The following DEFB110 variants were observed in gnomAD, a reference collection of about 807,000 sequenced individuals.
The protein encoded by DEFB110 is beta-defensin 110.
In DEFB110, 4 loss-of-function variants were observed where a neutral mutation model predicts 2.5. That is an observed-to-expected ratio of 1.60 (90% CI 0.79 to 3.66). The LOEUF (loss-of-function observed/expected upper bound fraction) is 3.66, where lower values mean the gene tolerates loss of function less well. DEFB110 is among the 30% of genes most tolerant of loss of function. The pLI is 0.01. For synonymous variants in DEFB110, 29 were observed against 21.8 expected (o/e 1.33, Z -0.92); for missense variants, 94 against 75.4 (o/e 1.25, Z -0.91).
downstream of DEFB110, among the ~76,000 whole-genome samples, chr6:50,016,420 A>G (rs1475960090): frequency 6.6e-6 from 1 of 151,852 alleles, no homozygotes; most frequent in Non-Finnish European, 1.5e-5. Flanking sequence ...TAGGAGGGAA[A>G]AATATAAAAC....
Position 50,018,934 on chromosome 6 carries a change from G to C in DEFB110, c.*43C>G. Reference sequence around the variant, plus strand: ...TGTGCTGGGAAAACTTAATAACGCTGGTCTCTCTTCTTGGAGCTTGTGACT... The same window carrying C: ...TGTGCTGGGAAAACTTAATAACGCTCGTCTCTCTTCTTGGAGCTTGTGACT... On this transcript the variant is annotated 3_prime_UTR_variant, in exon 2 of 2. Transcript: ENST00000371148. The C allele has an allele frequency of 6.3e-7, 1 of 1,580,590 alleles. No individual in the cohort carries two copies. The highest frequency in any genetic ancestry group is 8.6e-7 in the Non-Finnish European group (1 of 1,165,858).
rs1202989604 is a variant in DEFB110 at position 50,021,901 on chromosome 6, A to T, written c.35T>A (p.Phe12Tyr). ...KIQLFFFILH[F>Y]WVTILPAKKK... ...ATTACCTGGTAAAATTGTGACCCAA[A>T]AGTGCAGAATAAAGAAAAAAAGTTG... Residue 12 changes from phenylalanine (F) to tyrosine (Y), a missense_variant, in exon 1 of 2, where the codon TTT becomes TAT. Physicochemically the swap from Phe to Tyr is conservative, Grantham distance 22. Coordinates refer to ENST00000371148, the MANE Select transcript of DEFB110 (RefSeq NM_001037497.2). 1.3e-5 allele frequency: 20 copies of T among 1,558,858 alleles called. No individual in the cohort carries two copies. The highest frequency in any genetic ancestry group is 1.7e-5 in the Non-Finnish European group (20 of 1,160,686).
chr6:50,015,226 T>TCCACC (rs1774297009), downstream of DEFB110, among the ~76,000 whole-genome samples: 1 of 151,834 alleles, frequency 6.6e-6, no homozygotes, highest in South Asian at 2.1e-4. Flanking sequence ...TTGTTTGTAT[T>TCCACC]ATTATGGACT....
At chr6:50,014,176 C>A (rs1774277549), downstream of DEFB110, among the ~76,000 whole-genome samples, 1 of 151,804 alleles carries the variant, frequency 6.6e-6, no homozygotes, top group Non-Finnish European at 1.5e-5. Context: ...TCGATTCTAG[C>A]ATGTGTTCAG....
At chr6:50,016,175 A>C (rs1327958747), downstream of DEFB110, among the ~76,000 whole-genome samples, 1 of 151,866 alleles carries the variant, frequency 6.6e-6, no homozygotes, top group Non-Finnish European at 1.5e-5. Flanking sequence ...AATACATGAT[A>C]TCAGGTAGGA....
chr6:50,011,484 C>T (rs544617952), intron 1 of DEFB110, among the ~76,000 whole-genome samples: 2 of 152,142 alleles, frequency 1.3e-5, no homozygotes, highest in East Asian at 1.9e-4. Context: ...CTGGGAGTCT[C>T]ATCAAGAGTG....
At chr6:50,016,335 T>A (rs1190928580), downstream of DEFB110, among the ~76,000 whole-genome samples, 1 of 151,776 alleles carries the variant, frequency 6.6e-6, no homozygotes, top group African/African-American at 2.4e-5. Flanking sequence ...TTTATCAGAG[T>A]CACTGCTCAA....
chr6:50,021,347 A>T (rs1471976174), intron 1 of DEFB110, among the ~76,000 whole-genome samples: 2 of 152,138 alleles, frequency 1.3e-5, no homozygotes, highest in Non-Finnish European at 2.9e-5. Context: ...ACGTTGCCTG[A>T]TGTTCCCTTG....
At chr6:50,014,303 G>A (rs541931111), downstream of DEFB110, among the ~76,000 whole-genome samples, 3 of 151,930 alleles carry the variant, frequency 2.0e-5, no homozygotes, top group Admixed American at 6.6e-5. Flanking sequence ...GGTGGGAAGA[G>A]TGTAAAAGAG....
chr6:50,009,946 C>T (rs980226705), intron 1 of DEFB110, among the ~76,000 whole-genome samples: 2 of 151,998 alleles, frequency 1.3e-5, no homozygotes, highest in African/African-American at 2.4e-5. Flanking sequence ...TATATTCATA[C>T]ATTAAACTAT....
intron 1 of DEFB110, 84 bp from the exon 2 acceptor site, chr6:50,019,209 A>C: frequency 7.1e-7 from 1 of 1,417,524 alleles, no homozygotes; most frequent in Non-Finnish European, 9.6e-7. Context: ...ATGAAGCAAA[A>C]GATTATAGAG....
Position 50,019,086 on chromosome 6 carries a change from C to T in DEFB110, c.95G>A (p.Arg32Lys), listed in dbSNP as rs755318636. 2 of 1,613,114 alleles carry T rather than the reference C, an allele frequency of 1.2e-6. No individual in the cohort carries two copies. Among genetic ancestry groups the T allele is most frequent in the South Asian group, 1.1e-5 (1 of 91,016 alleles). Residue 32 changes from arginine to lysine, a missense_variant, in exon 2 of 2, where the codon AGG becomes AAG. Coordinates refer to ENST00000371148, the MANE Select transcript of DEFB110 (RefSeq NM_001037497.2). Reference protein sequence around the residue: ...KYPEYGSLDLRRECRIGNGQC... With the variant: ...KYPEYGSLDLKRECRIGNGQC... ...ACCATTACCTATTCTGCACTCTCTC[C>T]TCAAGTCCAAGCTACCATACTCAGG...
chr6:50,009,258 A>C, exon 2 of DEFB110: 1 of 1,596,768 alleles, frequency 6.3e-7, no homozygotes, highest in Non-Finnish European at 8.5e-7. Flanking sequence ...ACTTTGGTTC[A>C]AAATTGCTTC....
chr6:50,020,039 T>A (rs1774392385), intron 1 of DEFB110, among the ~76,000 whole-genome samples: 1 of 152,140 alleles, frequency 6.6e-6, no homozygotes, highest in South Asian at 2.1e-4. Flanking sequence ...TAACTCCTAC[T>A]CTGGCTTTAT....
At chr6:50,012,443 T>TA (rs1287222663) in intron 1 of DEFB110, among the ~76,000 whole-genome samples, 1 of 152,090 alleles carries the variant, frequency 6.6e-6, no homozygotes, top group East Asian at 1.9e-4. Context: ...TATTATATAA[T>TA]AAAAAACTCT....
intron 1 of DEFB110, among the ~76,000 whole-genome samples, chr6:50,009,747 C>G (rs1253259562): frequency 6.6e-6 from 1 of 152,104 alleles, no homozygotes; most frequent in Non-Finnish European, 1.5e-5. Flanking sequence ...ACTAACTTCA[C>G]TGATAGGGCA....
downstream of DEFB110, among the ~76,000 whole-genome samples, chr6:50,014,877 G>C (rs1418972531): frequency 6.6e-6 from 1 of 151,794 alleles, no homozygotes; most frequent in African/African-American, 2.4e-5. Context: ...TGAAGGGCTA[G>C]TCCCTCAATC....
At chr6:50,014,448 CTT>C (rs1299922237), downstream of DEFB110, among the ~76,000 whole-genome samples, 4 of 151,680 alleles carry the variant, frequency 2.6e-5, no homozygotes, top group East Asian at 7.7e-4. Context: ...ATGAAAGAGA[CTT>C]GAGAAAATTT....
In DEFB110 at chr6:50,021,971, CTCCTT is replaced by C; in HGVS notation, c.-41_-37del. 1.1e-5 allele frequency: 17 copies of C among 1,502,510 alleles called. No homozygotes were observed. The highest frequency in any genetic ancestry group is 1.5e-5 in the Non-Finnish European group (17 of 1,126,518). 93.1% of individuals were successfully genotyped at this position (1,502,510 alleles called of 1,614,324 possible). On this transcript the variant is annotated 5_prime_UTR_variant, in exon 1 of 2. Transcript: ENST00000371148. ...TTCTTAAAAAAAGGGGGCAACAGAC[CTCCTT>C]TTTCAAGTCAGTTGTTTTGAAATAA...
Sources: allele counts gnomAD v4.1 joint callset (sites outside exome capture counted in the v4.1 genomes callset), GRCh38; gene constraint gnomAD v4.1.1; transcripts MANE v1.5; gene names NCBI Gene and HGNC (gene_info 2026-07-23, HGNC 2026-07-21).